The following ARSB variants were observed in gnomAD, a reference collection of about 807,000 sequenced individuals.
ARSB encodes arylsulfatase B.
In ARSB, 41 loss-of-function variants were observed where a neutral mutation model predicts 50.9. That is an observed-to-expected ratio of 0.81 (90% CI 0.63 to 1.04). The LOEUF is 1.04. ARSB is among the 50% of genes least tolerant of loss of function. The probability of loss-of-function intolerance (pLI) is 0.00; values close to 1 mark genes in which losing one functional copy is unlikely to be tolerated. For missense variants in ARSB, 672 were observed against 693.3 expected, an observed-to-expected ratio of 0.97 and a Z score of 0.35; for synonymous variants, 269 against 284.8, an observed-to-expected ratio of 0.94 and a Z score of 0.56.
chr5:78,853,510 A>T (rs761274319), intron 5 of ARSB, among the ~76,000 whole-genome samples: 19 of 152,242 alleles, frequency 1.2e-4, no homozygotes, highest in Non-Finnish European at 2.4e-4. Context: ...TTCAGGGATC[A>T]GGGACCCACT....
intron 6 of ARSB, among the ~76,000 whole-genome samples, chr5:78,802,578 G>A (rs1297410861): frequency 1.3e-5 from 2 of 152,120 alleles, no homozygotes; most frequent in African/African-American, 4.8e-5. Flanking sequence ...AAACAGCCCC[G>A]GGAAACACAC....
At chr5:78,979,201 G>A (rs1457585362) in intron 1 of ARSB, among the ~76,000 whole-genome samples, 1 of 152,006 alleles carries the variant, frequency 6.6e-6, no homozygotes, top group South Asian at 2.1e-4. Context: ...CTCCAAAGAA[G>A]ACATAAAAAT....
chr5:78,784,813 T>G (rs1749034069), intron 6 of ARSB, among the ~76,000 whole-genome samples: 1 of 150,796 alleles, frequency 6.6e-6, no homozygotes, highest in South Asian at 2.1e-4. Flanking sequence ...TTTTTTTTTT[T>G]TTTTAGATGG....
At position 78,854,195 on chromosome 5, in the gene ARSB, CA is replaced by C. The variant is rs558787996; in HGVS notation, c.1143-14770del. On this transcript the variant is annotated intron_variant, in intron 5 of 7. Coordinates refer to ENST00000264914, the MANE Select transcript of ARSB (RefSeq NM_000046.5). ...TAGACCGGAGCTGTTCCTATTCAGC[CA>C]TCTTGGCTGCCAGATCTCCGTGAAT... 2.2e-3 allele frequency among the ~76,000 whole-genome samples: 339 copies of C among 152,380 alleles called. 1 individual carries two copies. Among genetic ancestry groups the C allele is most frequent in the African/African-American group, 7.8e-3 (325 of 41,592 alleles).
At chr5:78,878,564 T>G (rs1295290029) in intron 5 of ARSB, among the ~76,000 whole-genome samples, 1 of 6,058 alleles carries the variant, frequency 1.7e-4, no homozygotes, top group African/African-American at 1.8e-4. Context: ...ATTTTATGTG[T>G]TTTTTTTTTT....
At position 78,985,018 on chromosome 5, in the gene ARSB, G is replaced by A. The variant is rs542520705; in HGVS notation, c.231C>T (p.Ala77=). ...IRTPHLDALA[A]GGVLLDNYYT... ...AGTAGTTGTCCAGGAGCACCCCGCC[G>A]GCCGCCAGCGCGTCCAGGTGCGGCG... is the stretch of plus-strand genomic sequence containing the variant. Residue 77 remains alanine (A), a synonymous_variant, in exon 1 of 8, where the codon GCC becomes GCT. Transcript: ENST00000264914. 27 of 1,540,156 alleles carry A rather than the reference G, an allele frequency of 1.8e-5. No homozygotes were observed. The highest frequency in any genetic ancestry group is 2.7e-5 in the East Asian group (1 of 37,238).
chr5:78,833,551 G>A (rs1028058120), intron 6 of ARSB, among the ~76,000 whole-genome samples: 9 of 152,300 alleles, frequency 5.9e-5, no homozygotes, highest in East Asian at 3.9e-4. Context: ...ATGAAGCTGG[G>A]AGGCAGTGGA....
intron 4 of ARSB, among the ~76,000 whole-genome samples, chr5:78,937,444 T>C (rs1750681542): frequency 6.9e-6 from 1 of 145,120 alleles, no homozygotes; most frequent in Non-Finnish European, 1.5e-5. Context: ...ATGATATATA[T>C]ATCTTATATA....
intron 6 of ARSB, among the ~76,000 whole-genome samples, chr5:78,833,300 G>A (rs1028195179): frequency 6.6e-6 from 1 of 151,896 alleles, no homozygotes; most frequent in Admixed American, 6.6e-5. Flanking sequence ...GCTCTCTCAC[G>A]GGTTTCTTAC....
At chr5:78,932,856 C>T (rs1402301631) in intron 4 of ARSB, among the ~76,000 whole-genome samples, 1 of 152,210 alleles carries the variant, frequency 6.6e-6, no homozygotes, top group Non-Finnish European at 1.5e-5. Flanking sequence ...CATTCTCTCT[C>T]TCTCTGCCTA....
At chr5:78,969,721 A>G (rs1180476790) in intron 1 of ARSB, among the ~76,000 whole-genome samples, 2 of 152,128 alleles carry the variant, frequency 1.3e-5, no homozygotes, top group Non-Finnish European at 2.9e-5. Flanking sequence ...GGTTCAAGTG[A>G]TTCTCCTGCC....
intron 5 of ARSB, among the ~76,000 whole-genome samples, chr5:78,849,225 C>A (rs1745619143): frequency 1.3e-5 from 2 of 152,050 alleles, no homozygotes; most frequent in Non-Finnish European, 2.9e-5. Context: ...TTTAATCCAT[C>A]TTGAATTAAT....
At position 78,931,909 on chromosome 5, in the gene ARSB, C is replaced by T. The variant is rs919284443; in HGVS notation, c.898+23386G>A. The stretch of plus-strand genomic sequence containing the variant: ...GATGGTTTTATAAAGGGCTCTTCCC[C>T]CTTCACTTTCTCTCTCTCTCCTGCC... On this transcript the variant is annotated intron_variant, in intron 4 of 7. Coordinates refer to ENST00000264914, the MANE Select transcript of ARSB (RefSeq NM_000046.5). Among the ~76,000 whole-genome samples, 21 of 152,084 alleles carry T rather than the reference C, an allele frequency of 1.4e-4. No individual in the cohort carries two copies. The South Asian group carries it at 2.3e-3, about 17-fold the overall frequency.
At chr5:78,857,468 T>C (rs1277122130) in intron 5 of ARSB, among the ~76,000 whole-genome samples, 1 of 152,222 alleles carries the variant, frequency 6.6e-6, no homozygotes, top group East Asian at 1.9e-4. Context: ...GAAATAAAAA[T>C]CTCTAAATAA....
rs529702312 is a variant in ARSB at position 78,893,378 on chromosome 5, A to C, written c.899-7551T>G. ...AGATTTAAAAAAGATGCATGCAGGG[A>C]AAGGGCAAAATCAGGGATGAATGAG... On this transcript the variant is annotated intron_variant, in intron 4 of 7. Transcript: ENST00000264914. Among the ~76,000 whole-genome samples, 17 of 152,248 alleles carry C rather than the reference A, an allele frequency of 1.1e-4. 1 individual carries two copies. Among genetic ancestry groups the C allele is most frequent in the African/African-American group, 3.9e-4 (16 of 41,474 alleles).
intron 6 of ARSB, chr5:78,815,455 A>G: frequency 1.2e-6 from 1 of 849,918 alleles, no homozygotes; most frequent in South Asian, 5.3e-5. Flanking sequence ...TCTCTGTGCC[A>G]GAAAGTGTGA....
At chr5:78,943,983 ATTC>A (rs1394330946) in intron 4 of ARSB, among the ~76,000 whole-genome samples, 16 of 152,090 alleles carry the variant, frequency 1.1e-4, no homozygotes, top group Admixed American at 1.0e-3. Flanking sequence ...GTTTCTTTTT[ATTC>A]TTTTTTCTCT....
At chr5:78,904,048 C>T (rs1217923182) in intron 4 of ARSB, among the ~76,000 whole-genome samples, 3 of 152,116 alleles carry the variant, frequency 2.0e-5, no homozygotes, top group African/African-American at 7.2e-5. Context: ...GCTTCTCTGT[C>T]GTTAAGGTTT....
chr5:78,968,601 G>A (rs1028379724), intron 2 of ARSB, among the ~76,000 whole-genome samples: 6 of 151,886 alleles, frequency 4.0e-5, no homozygotes, highest in East Asian at 1.9e-4. Context: ...CGCCTGCTTC[G>A]GCCTCCCAAA....
Sources: allele counts gnomAD v4.1 joint callset (sites outside exome capture counted in the v4.1 genomes callset), GRCh38; gene constraint gnomAD v4.1.1; transcripts MANE v1.5; gene names NCBI Gene and HGNC (gene_info 2026-07-23, HGNC 2026-07-21).